Variants in HNF4G observed in about 807,000 individuals in gnomAD.
HNF4G encodes the protein hepatocyte nuclear factor 4-gamma.
HNF4G carries 21 observed loss-of-function variants against 50.9 expected under a neutral mutation model. That is an observed-to-expected ratio of 0.41 (90% confidence interval 0.29 to 0.59). HNF4G has a LOEUF of 0.59. Ranked by LOEUF, HNF4G falls within the 20% of genes least tolerant of loss-of-function variation. The probability of loss-of-function intolerance (pLI) is 0.26; values close to 1 mark genes in which losing one functional copy is unlikely to be tolerated. For synonymous variants in HNF4G, 198 were observed against 185.6 expected (o/e 1.07, Z -0.54); for missense variants, 527 against 559.4 (o/e 0.94, Z 0.58).
chr8:75,519,724 A>G (rs544470270), intron 2 of HNF4G, among the ~76,000 whole-genome samples: 17 of 152,328 alleles, frequency 1.1e-4, no homozygotes, highest in African/African-American at 3.4e-4. Flanking sequence ...TTGGGTAGGG[A>G]CACAGCCAAA....
intron 1 of HNF4G, among the ~76,000 whole-genome samples, chr8:75,421,727 C>T (rs578059110): frequency 4.1e-4 from 62 of 152,252 alleles, no homozygotes; most frequent in African/African-American, 1.4e-3. Flanking sequence ...CCCCGGGACT[C>T]AGTAGGTCTA....
At chr8:75,442,251 TC>T (rs1811304989) in intron 1 of HNF4G, among the ~76,000 whole-genome samples, 1 of 152,158 alleles carries the variant, frequency 6.6e-6, no homozygotes, top group African/African-American at 2.4e-5. Flanking sequence ...AAATTACTGT[TC>T]ATTCTCTACT....
At chr8:75,466,864 T>C (rs1356185902) in intron 1 of HNF4G, among the ~76,000 whole-genome samples, 1 of 151,698 alleles carries the variant, frequency 6.6e-6, no homozygotes, top group Non-Finnish European at 1.5e-5. Flanking sequence ...TTGTATTTTT[T>C]GTAGAGATGG....
At chr8:75,552,589 C>T (rs1317956830) in intron 4 of HNF4G, among the ~76,000 whole-genome samples, 1 of 152,032 alleles carries the variant, frequency 6.6e-6, no homozygotes, top group Non-Finnish European at 1.5e-5. Context: ...CTTCTTGTCT[C>T]CCCAACTGGG....
At chr8:75,510,174 T>A (rs924557196) in intron 2 of HNF4G, among the ~76,000 whole-genome samples, 1 of 151,936 alleles carries the variant, frequency 6.6e-6, no homozygotes, top group Non-Finnish European at 1.5e-5. Flanking sequence ...TTAACAAAAG[T>A]TTAAAAAGTA....
At chr8:75,463,772 ATT>A (rs373640826) in intron 1 of HNF4G, among the ~76,000 whole-genome samples, 36 of 115,506 alleles carry the variant, frequency 3.1e-4, no homozygotes, top group Admixed American at 2.0e-3. Context: ...GAATATGTTG[ATT>A]TTTTTTTTTT....
intron 2 of HNF4G, among the ~76,000 whole-genome samples, chr8:75,497,198 T>C (rs1268789844): frequency 2.6e-5 from 4 of 152,076 alleles, no homozygotes; most frequent in African/African-American, 7.2e-5. Context: ...GGTGTTTGTG[T>C]TCGTGTTTGT....
chr8:75,448,438 A>T (rs1388481372), intron 1 of HNF4G, among the ~76,000 whole-genome samples: 2 of 83,302 alleles, frequency 2.4e-5, no homozygotes, highest in African/African-American at 1.3e-4. Flanking sequence ...AAAAAAAAAA[A>T]AAAAAAGTGT....
Position 75,543,950 on chromosome 8 carries a change from C to T in HNF4G, c.258C>T (p.Ser86=). The change falls in exon 2 of 10, where the codon AGC becomes AGT. Residue 86 remains serine, a synonymous_variant. Transcript: ENST00000396423. ...GGTGCAAGGGTTTCTTCAGACGCAG[C>T]ATTCGTAAGAGTCACGTTTATTCTT... ...CDGCKGFFRR[S]IRKSHVYSCR... is the part of the protein sequence containing the mutation. 2.5e-6 allele frequency: 4 copies of T among 1,599,818 alleles called. No individual in the cohort carries two copies. Among genetic ancestry groups the T allele is most frequent in the Non-Finnish European group, 2.6e-6 (3 of 1,171,974 alleles).
rs181454846 is a variant in HNF4G at position 75,453,408 on chromosome 8, G to C, written c.-143-36681G>C. ...AATCAGTGCTCTGTAGCTAGCTAGA[G>C]GTTTGTAAAATGGAACGATCAGCAC... On this transcript the variant is annotated intron_variant, in intron 1 of 10. Transcript: ENST00000354370. Among the ~76,000 whole-genome samples, 10 of 152,308 alleles carry C rather than the reference G, an allele frequency of 6.6e-5. No individual in the cohort carries two copies. In the South Asian group the frequency reaches 2.1e-3, roughly 32 times the overall value.
In HNF4G at chr8:75,419,241, T is replaced by G. The variant is rs551028631; in HGVS notation, c.-144+11079T>G. 3.3e-5 allele frequency among the ~76,000 whole-genome samples: 5 copies of G among 152,310 alleles called. No homozygotes were observed. The South Asian group carries it at 8.3e-4, about 25-fold the overall frequency. ...GAACTCCAAAGCAAGGCAGATACTG[T>G]GTTTGCATTTGGGAGAAACCGTTTT... On this transcript the variant is annotated intron_variant, in intron 1 of 10. Coordinates refer to the HNF4G transcript ENST00000354370.
chr8:75,558,744 T>C, intron 7 of HNF4G, 57 bp from the exon 8 acceptor site: 3 of 1,572,136 alleles, frequency 1.9e-6, no homozygotes, highest in Non-Finnish European at 2.6e-6. Flanking sequence ...GAATATTTAT[T>C]GTCTCACACT....
chr8:75,495,657 C>T (rs1812751187), intron 2 of HNF4G, among the ~76,000 whole-genome samples: 1 of 151,600 alleles, frequency 6.6e-6, no homozygotes, highest in Non-Finnish European at 1.5e-5. Flanking sequence ...TGTGCCTCAG[C>T]ATCCCAAGTA....
upstream of HNF4G, among the ~76,000 whole-genome samples, chr8:75,536,504 A>G (rs1806468563): frequency 6.6e-6 from 1 of 152,058 alleles, no homozygotes; most frequent in Non-Finnish European, 1.5e-5. Flanking sequence ...GAATTTACCC[A>G]TGTAAAGTAC....
At chr8:75,549,150 T>C (rs190264838) in intron 3 of HNF4G, among the ~76,000 whole-genome samples, 1 of 152,354 alleles carries the variant, frequency 6.6e-6, no homozygotes, top group African/African-American at 2.4e-5. Context: ...TTTTATCTTT[T>C]GTTCATAAAA....
intron 2 of HNF4G, among the ~76,000 whole-genome samples, chr8:75,546,465 C>A (rs1303904923): frequency 6.6e-6 from 1 of 152,000 alleles, no homozygotes; most frequent in Non-Finnish European, 1.5e-5. Context: ...CAAATTTGAC[C>A]ATTTTCATCA....
At position 75,565,398 on chromosome 8, in the gene HNF4G, C is replaced by T. The variant is rs181843650; in HGVS notation, c.*1302C>T. 4.6e-5 allele frequency: 7 copies of T among 152,148 alleles called. No individual in the cohort carries two copies. Among genetic ancestry groups the T allele is most frequent in the East Asian group, 3.9e-4 (2 of 5,172 alleles). 9.4% of individuals were successfully genotyped at this position (152,148 alleles called of 1,614,324 possible). On this transcript the variant is annotated 3_prime_UTR_variant, in exon 10 of 10. Transcript: ENST00000396423. ...ACATTAGATAAAATAAAAGATTCAC[C>T]GGATGGATTCTGATGAAAACGAAAA...
rs202163731 is a variant in HNF4G, at chr8:75,551,507, C to T, written c.489+13C>T. 36 of 1,432,610 alleles carry T rather than the reference C, an allele frequency of 2.5e-5. No homozygotes were observed. The highest frequency in any genetic ancestry group is 3.3e-5 in the Non-Finnish European group (34 of 1,014,974). The allele number at this position is 1,432,610 out of a possible 1,614,324, so 88.7% of individuals were successfully genotyped here. On this transcript the variant is annotated intron_variant, in intron 4 of 9. Transcript: ENST00000396423. ...TCGGTCTCGCCAGGTACCTGTGGCA[C>T]GGCAGCATCAAACCCTATTTAATAA... is the stretch of plus-strand genomic sequence containing the variant.
intron 1 of HNF4G, among the ~76,000 whole-genome samples, chr8:75,426,146 T>C (rs17303296): frequency 0.12 from 17,883 of 152,192 alleles, 1,151 homozygotes; most frequent in Middle Eastern, 0.18. Context: ...AAGCTTACTG[T>C]ACATGCAACT....
Sources: allele counts gnomAD v4.1 joint callset (sites outside exome capture counted in the v4.1 genomes callset), GRCh38; gene constraint gnomAD v4.1.1; transcripts MANE v1.5; gene names NCBI Gene and HGNC (gene_info 2026-07-23, HGNC 2026-07-21).